The following MOCOS variants were observed in gnomAD, a reference collection of about 807,000 sequenced individuals.
MOCOS encodes the protein human molybdenum cofactor sulfurase.
Under a neutral mutation model 83.6 loss-of-function variants are expected in MOCOS, and 86 were observed. That is an observed-to-expected ratio of 1.03 (90% CI 0.86 to 1.23). The LOEUF (loss-of-function observed/expected upper bound fraction) is 1.23. Among genes scored for constraint, MOCOS ranks in the 50% most tolerant of loss-of-function variants. The pLI, the probability that MOCOS is intolerant of heterozygous loss-of-function variation, is 0.00. For synonymous variants in MOCOS, 445 were observed against 434.7 expected (o/e 1.02, Z -0.29); for missense variants, 1,120 against 1,126.9 (o/e 0.99, Z 0.09).
At chr18:36,223,613 T>C (rs2091504867) in intron 9 of MOCOS, among the ~76,000 whole-genome samples, 1 of 152,236 alleles carries the variant, frequency 6.6e-6, no homozygotes. Flanking sequence ...GATCGTTCTT[T>C]CTATTTCTGT....
chr18:36,191,099 G>A (rs868190144), intron 1 of MOCOS, among the ~76,000 whole-genome samples: 1 of 150,174 alleles, frequency 6.7e-6, no homozygotes, highest in Admixed American at 6.7e-5. Flanking sequence ...GTCTCTCTCT[G>A]TCTCTCCTGT....
chr18:36,206,349 T>A (rs2091434843), intron 6 of MOCOS, among the ~76,000 whole-genome samples: 1 of 144,168 alleles, frequency 6.9e-6, no homozygotes, highest in Non-Finnish European at 1.5e-5. Flanking sequence ...TGGGTTCAAG[T>A]GATTCTCTCA....
chr18:36,247,333 A>G (rs1325208457), intron 9 of MOCOS, among the ~76,000 whole-genome samples: 5 of 152,216 alleles, frequency 3.3e-5, no homozygotes, highest in Non-Finnish European at 7.4e-5. Flanking sequence ...CCTGCCTGCC[A>G]GGACAGTTGG....
chr18:36,232,073 A>T (rs778756197), intron 9 of MOCOS, among the ~76,000 whole-genome samples: 2 of 152,144 alleles, frequency 1.3e-5, no homozygotes, highest in Non-Finnish European at 2.9e-5. Context: ...CTCAAGCCTC[A>T]AGCGATCCTG....
chr18:36,192,986 A>G (rs1309195607), intron 1 of MOCOS, among the ~76,000 whole-genome samples: 2 of 152,248 alleles, frequency 1.3e-5, no homozygotes, highest in Middle Eastern at 3.4e-3. Flanking sequence ...AGTTAGAGGA[A>G]TCACACTTTG....
At chr18:36,229,610 C>T (rs2144930990) in intron 9 of MOCOS, among the ~76,000 whole-genome samples, 1 of 152,164 alleles carries the variant, frequency 6.6e-6, no homozygotes, top group African/African-American at 2.4e-5. Context: ...TCACTCTTTT[C>T]AAAGTTTTAG....
chr18:36,219,193 AT>A (rs200647128), intron 8 of MOCOS, among the ~76,000 whole-genome samples: 5 of 56,954 alleles, frequency 8.8e-5, no homozygotes, highest in Non-Finnish European at 1.6e-4. Context: ...ATTTTATTTT[AT>A]TTTTTTTTTT....
chr18:36,222,065 C>T (rs117329083), intron 9 of MOCOS, among the ~76,000 whole-genome samples: 2,378 of 152,232 alleles, frequency 0.016, 26 homozygotes, highest in Non-Finnish European at 0.023. Flanking sequence ...TCACATATTG[C>T]AGAATCTCTT....
chr18:36,213,488 T>C lies in MOCOS; in HGVS notation c.1335+6T>C. 1 of 1,609,922 alleles carries C rather than the reference T, an allele frequency of 6.2e-7. No individual in the cohort carries two copies. Among genetic ancestry groups the C allele is most frequent in the Non-Finnish European group, 8.5e-7 (1 of 1,176,880 alleles). ...TGGTCAGGAAGCATTTTCAGGTTGG[T>C]ACAGGGCTCTGCGATCCAGACGCTG... On this transcript the variant is annotated splice_donor_region_variant and intron_variant, in intron 7 of 14. Transcript: ENST00000261326.
At chr18:36,261,380 A>T (rs2091662941) in intron 13 of MOCOS, among the ~76,000 whole-genome samples, 3 of 151,706 alleles carry the variant, frequency 2.0e-5, no homozygotes, top group Non-Finnish European at 4.4e-5. Flanking sequence ...CCAAAATTAA[A>T]AAAAAAATCT....
intron 9 of MOCOS, among the ~76,000 whole-genome samples, chr18:36,221,612 CTGTT>C (rs1316989186): frequency 8.1e-3 from 82 of 10,180 alleles, no homozygotes; most frequent in African/African-American, 0.018. Context: ...GTGTTCTGTT[CTGTT>C]CTGTTCTGTT....
intron 11 of MOCOS, 71 bp from the exon 12 acceptor site, chr18:36,256,897 A>G (rs925799267): frequency 7.7e-6 from 10 of 1,302,636 alleles, no homozygotes; most frequent in Admixed American, 1.7e-5. Flanking sequence ...AAAAAATACA[A>G]GTCTATGGAA....
chr18:36,248,901 T>G, intron 9 of MOCOS, 21 bp from the exon 10 acceptor site: 1 of 1,604,486 alleles, frequency 6.2e-7, no homozygotes, highest in South Asian at 1.1e-5. Context: ...GATAAATTTG[T>G]TTTTAACCTT....
At chr18:36,199,620 C>T (rs2091403141) in intron 3 of MOCOS, 63 bp from the exon 4 acceptor site, 1 of 1,606,654 alleles carries the variant, frequency 6.2e-7, no homozygotes, top group African/African-American at 1.3e-5. Context: ...AATAAAACAG[C>T]CTGCAAACAT....
chr18:36,202,067 C>T (rs1490468563), intron 4 of MOCOS, among the ~76,000 whole-genome samples: 6 of 152,218 alleles, frequency 3.9e-5, no homozygotes, highest in African/African-American at 1.2e-4. Context: ...ACAGATGACA[C>T]GCCAACATTC....
In MOCOS at chr18:36,271,512, C is replaced by T. The variant is rs913492052; in HGVS notation, c.*2827C>T. 6.6e-6 allele frequency: 1 copy of T among 151,780 alleles called. No homozygotes were observed. Among genetic ancestry groups the T allele is most frequent in the Non-Finnish European group, 1.5e-5 (1 of 67,982 alleles). 9.4% of individuals were successfully genotyped at this position (151,780 alleles called of 1,614,324 possible). ...TTATGGACATTTATGATTTTATGTC[C>T]CCTCCTTGGTTCTTATCTCCTGGAG... On this transcript the variant is annotated 3_prime_UTR_variant, in exon 15 of 15. Transcript: ENST00000261326.
intron 6 of MOCOS, 66 bp downstream of exon 6, chr18:36,205,342 AGT>A: frequency 6.8e-7 from 1 of 1,476,562 alleles, no homozygotes; most frequent in Non-Finnish European, 9.4e-7. Flanking sequence ...AGAGCAATGT[AGT>A]GTGACAAAGT....
chr18:36,221,602 G>GTGTTCTGTTCTGTTC (rs10618481), intron 9 of MOCOS, among the ~76,000 whole-genome samples: 20 of 150,672 alleles, frequency 1.3e-4, no homozygotes, highest in African/African-American at 4.7e-4. Context: ...TTGGCTGTAA[G>GTGTTCTGTTCTGTTC]TGTTCTGTTC....
intron 1 of MOCOS, among the ~76,000 whole-genome samples, chr18:36,193,166 CCGGGCGCGGTGG>C (rs1451727875): frequency 6.7e-6 from 1 of 149,034 alleles, no homozygotes; most frequent in Non-Finnish European, 1.5e-5. Flanking sequence ...AAAAAATTAG[CCGGGCGCGGTGG>C]CGGGCGCCTG....
Sources: allele counts gnomAD v4.1 joint callset (sites outside exome capture counted in the v4.1 genomes callset), GRCh38; gene constraint gnomAD v4.1.1; transcripts MANE v1.5; gene names NCBI Gene and HGNC (gene_info 2026-07-23, HGNC 2026-07-21).